The following ZC3H4 variants were observed in gnomAD, a reference collection of about 807,000 sequenced individuals.
The protein encoded by ZC3H4 is zinc finger CCCH domain-containing protein 4.
A neutral mutation model predicts 108.3 loss-of-function variants in ZC3H4; 13 were observed. That is an observed-to-expected ratio of 0.12 (90% CI 0.08 to 0.19). The LOEUF (loss-of-function observed/expected upper bound fraction) is 0.19. Among genes scored for constraint, ZC3H4 ranks in the 10% least tolerant of loss-of-function variants. The pLI is 1.00. For missense variants in ZC3H4, 1,734 were observed against 1,838.8 expected (o/e 0.94, Z 1.04); for synonymous variants, 917 against 749.6 (o/e 1.22, Z -3.65).
chr19:47,085,418 G>A lies in ZC3H4; in HGVS notation c.871-4C>T, dbSNP rs369754751. On this transcript the variant is annotated splice_region_variant and splice_polypyrimidine_tract_variant and intron_variant, in intron 6 of 14. Coordinates refer to ENST00000253048, the MANE Select transcript of ZC3H4 (RefSeq NM_015168.2). ...TTGGCTCCTCACTCTCTCCATACTG[G>A]AATGCGCAGAGGAGAGGGCAGGAGA... The A allele has an allele frequency of 6.3e-7, 1 of 1,579,652 alleles. No individual in the cohort carries two copies. Among genetic ancestry groups the A allele is most frequent in the African/African-American group, 1.4e-5 (1 of 73,720 alleles).
At position 47,065,883 on chromosome 19, in the gene ZC3H4, C is replaced by T. The variant is rs568008593; in HGVS notation, c.*473G>A. 6.5e-6 allele frequency: 1 copy of T among 154,318 alleles called. No homozygotes were observed. Among genetic ancestry groups the T allele is most frequent in the Non-Finnish European group, 1.4e-5 (1 of 69,638 alleles). The allele number at this position is 154,318 out of a possible 1,614,324, so 9.6% of individuals were successfully genotyped here. Reference sequence around the variant, plus strand: ...CCTAGGGTTCTAGAAACGCCTGGACCTGCTTCCACGCAGGCCCTGCCATGG... The same window carrying T: ...CCTAGGGTTCTAGAAACGCCTGGACTTGCTTCCACGCAGGCCCTGCCATGG... On this transcript the variant is annotated 3_prime_UTR_variant, in exon 15 of 15. Transcript: ENST00000253048.
Position 47,067,240 on chromosome 19 carries a change from G to A in ZC3H4, c.3028C>T (p.Pro1010Ser). The A allele has an allele frequency of 6.2e-7, 1 of 1,602,818 alleles. No individual in the cohort carries two copies. The highest frequency in any genetic ancestry group is 8.5e-7 in the Non-Finnish European group (1 of 1,174,734). The change falls in exon 15 of 15, where the codon CCC becomes TCC. Residue 1010 changes from proline to serine, a missense_variant. This residue lies in a region of ZC3H4 where 518 missense variants were observed against 499.6 expected (regional missense o/e 1.04). Transcript: ENST00000253048. This position sits in a 1 kb window ranked among gnomAD's most constrained non-coding sequence, Gnocchi z 6.4. ...GCCGTGGCAGCGCGGTGCAGCCGGG[G>A]GTCCAGGGTGGGCATGGATTGCAGG... ...AALQSMPTLDPRLHRAATAGP... is the reference protein window; with the variant it reads ...AALQSMPTLDSRLHRAATAGP...
chr19:47,108,648 C>T (rs1204071243), intron 2 of ZC3H4, among the ~76,000 whole-genome samples: 1 of 152,192 alleles, frequency 6.6e-6, no homozygotes, highest in East Asian at 1.9e-4. Context: ...GTTGAACAGC[C>T]AGGTCCACAG....
At chr19:47,089,930 G>A (rs375510147) in intron 5 of ZC3H4, 37 bp downstream of exon 5, 92 of 1,610,542 alleles carry the variant, frequency 5.7e-5, no homozygotes, top group Non-Finnish European at 6.6e-5. Context: ...GGGTGGCTCC[G>A]ATGCCCCAGA....
rs1312899856 is a variant in ZC3H4, at chr19:47,089,999, C to T, written c.683G>A (p.Arg228Gln). The T allele has an allele frequency of 5.0e-6, 8 of 1,614,208 alleles. No homozygotes were observed. The highest frequency in any genetic ancestry group is 4.0e-5 in the African/African-American group (3 of 75,052). The change falls in exon 5 of 15, where the codon CGG (arginine) becomes CAG (glutamine). Residue 228 changes from arginine to glutamine, a missense_variant. Physicochemically the swap from Arg to Gln is conservative, Grantham distance 43. Around this residue, in one of 9 missense-constraint regions of ZC3H4, gnomAD observed 403 missense variants for 457.0 expected, o/e 0.88. Coordinates refer to ENST00000253048, the MANE Select transcript of ZC3H4 (RefSeq NM_015168.2). Reference sequence around the variant, plus strand: ...GCGGCTGCTGCCCTCCTTGGCACGCCGGTACTGGTTCAGCTCTTTGGTGAA... The same window carrying T: ...GCGGCTGCTGCCCTCCTTGGCACGCTGGTACTGGTTCAGCTCTTTGGTGAA... ...DDFTKELNQY[R>Q]RAKEGSSRGR... is the part of the protein sequence containing the mutation.
chr19:47,086,349 C>G, intron 6 of ZC3H4, 35 bp downstream of exon 6: 1 of 1,611,356 alleles, frequency 6.2e-7, no homozygotes, highest in Non-Finnish European at 8.5e-7. Context: ...CCACCAGCCT[C>G]ACCCCGACGT....
intron 14 of ZC3H4, among the ~76,000 whole-genome samples, chr19:47,068,314 C>G (rs2057257533): frequency 6.6e-6 from 1 of 152,204 alleles, no homozygotes; most frequent in Admixed American, 6.5e-5. Flanking sequence ...CTGTGGGCAC[C>G]TCTTTCTGGA....
In ZC3H4 at chr19:47,094,612, C is replaced by A. The variant is rs199543090; in HGVS notation, c.162-4G>T. 2 of 1,613,910 alleles carry A rather than the reference C, an allele frequency of 1.2e-6. No individual in the cohort carries two copies. Among genetic ancestry groups the A allele is most frequent in the Admixed American group, 3.3e-5 (2 of 59,982 alleles). On this transcript the variant is annotated splice_polypyrimidine_tract_variant and splice_region_variant and intron_variant, in intron 2 of 14. Transcript: ENST00000253048. ...TTCTTCCAACTCTCCATCTTCCCTACAAACAAACCCCAATCCCACCATGAA... is the reference window on the plus strand; with the variant it reads ...TTCTTCCAACTCTCCATCTTCCCTAAAAACAAACCCCAATCCCACCATGAA...
In ZC3H4 at chr19:47,064,520, T is replaced by C; in HGVS notation, c.*1836A>G. On this transcript the variant is annotated 3_prime_UTR_variant, in exon 15 of 15. Coordinates refer to ENST00000253048, the MANE Select transcript of ZC3H4 (RefSeq NM_015168.2). ...AATATTCCAAGAGGAGGGCTCCAGCTTCTATTTCATCCACAGATTTCGGTT... is the reference window on the plus strand; with the variant it reads ...AATATTCCAAGAGGAGGGCTCCAGCCTCTATTTCATCCACAGATTTCGGTT... 1 of 152,444 alleles carries C rather than the reference T, an allele frequency of 6.6e-6. No individual in the cohort carries two copies. The highest frequency in any genetic ancestry group is 1.5e-5 in the Non-Finnish European group (1 of 68,024). 9.4% of individuals were successfully genotyped at this position (152,444 alleles called of 1,614,324 possible).
At chr19:47,112,336 G>A (rs1015790106) in intron 2 of ZC3H4, 88 bp downstream of exon 2, 6 of 1,196,956 alleles carry the variant, frequency 5.0e-6, no homozygotes, top group African/African-American at 1.6e-5. Context: ...CTCCTCCGCG[G>A]CCCGGCCCAA....
At chr19:47,070,921 T>C (rs1018023805) in intron 13 of ZC3H4, among the ~76,000 whole-genome samples, 4 of 152,184 alleles carry the variant, frequency 2.6e-5, no homozygotes, top group Admixed American at 2.6e-4. Flanking sequence ...TGCACTCCAG[T>C]GGCCGCCCTG....
At position 47,085,479 on chromosome 19, in the gene ZC3H4, T is replaced by C; in HGVS notation, c.871-65A>G. ...GGGAACAATGAACACTGTCCCCACC[T>C]ACACACTGCTCCTTTTTGAAGGATG... On this transcript the variant is annotated intron_variant, in intron 6 of 14. Transcript: ENST00000253048. 4 of 1,357,170 alleles carry C rather than the reference T, an allele frequency of 2.9e-6. No homozygotes were observed. In the South Asian group the frequency reaches 5.8e-5, roughly 20 times the overall value. 84.1% of individuals were successfully genotyped at this position (1,357,170 alleles called of 1,614,324 possible).
intron 11 of ZC3H4, among the ~76,000 whole-genome samples, chr19:47,078,922 G>C (rs2057470170): frequency 6.6e-6 from 1 of 151,974 alleles, no homozygotes. Context: ...AGCTACTGTG[G>C]AGGCTGAGGC....
At chr19:47,081,093 G>A (rs969148973) in intron 11 of ZC3H4, among the ~76,000 whole-genome samples, 2 of 151,758 alleles carry the variant, frequency 1.3e-5, no homozygotes, top group Non-Finnish European at 2.9e-5. Context: ...TAGAAACAAC[G>A]TCTTGCTACA....
intron 13 of ZC3H4, 40 bp from the exon 14 acceptor site, chr19:47,069,383 C>A: frequency 1.3e-6 from 2 of 1,590,862 alleles, no homozygotes; most frequent in East Asian, 2.3e-5. Context: ...TCGGGAAGGG[C>A]CTCCAGGTGC....
intron 2 of ZC3H4, among the ~76,000 whole-genome samples, chr19:47,109,320 A>G (rs535933467): frequency 3.7e-4 from 57 of 152,346 alleles, no homozygotes; most frequent in South Asian, 8.3e-4. Flanking sequence ...GCTTGGGGAA[A>G]TAGTTTCAAA....
chr19:47,084,232 G>T, intron 9 of ZC3H4, 113 bp downstream of exon 9: 1 of 972,698 alleles, frequency 1.0e-6, no homozygotes, highest in South Asian at 1.5e-5. Flanking sequence ...CAAGGACAAG[G>T]ACTACACAGT....
At position 47,112,482 on chromosome 19, in the gene ZC3H4, CG is replaced by C. The variant is rs1568573778; in HGVS notation, c.102del (p.Asp35ThrfsTer69). On this transcript the variant is annotated frameshift_variant, in exon 2 of 15. Transcript: ENST00000253048. LOFTEE classifies it high-confidence loss of function. ...PSTPSPPPCS[P>X]DARPATPHLL... ...AGGTGCGGGGTGGCCGGGCGGGCGT[CG>C]GGGGAACACGGAGGAGGCGAAGGCG... 2 of 1,165,972 alleles carry C rather than the reference CG, an allele frequency of 1.7e-6. No homozygotes were observed. 72.2% of individuals were successfully genotyped at this position (1,165,972 alleles called of 1,614,324 possible). A position where few individuals can be genotyped will look rare whatever the true frequency, so the allele number is the denominator to read the frequency against.
chr19:47,079,220 G>A (rs1466201220), intron 11 of ZC3H4, among the ~76,000 whole-genome samples: 1 of 151,284 alleles, frequency 6.6e-6, no homozygotes, highest in Non-Finnish European at 1.5e-5. Flanking sequence ...GTAGAGATGG[G>A]GTTTCTCCAT....
Sources: gnomAD v4.1 joint callset for allele counts (sites outside exome capture counted in the v4.1 genomes callset) on GRCh38, gnomAD v4.1.1 for gene constraint, gnomAD v4.1.1 regional missense constraint, Gnocchi (gnomAD v3.1) non-coding constraint, MANE v1.5 for transcripts, NCBI Gene and HGNC (gene_info 2026-07-23, HGNC 2026-07-21) for gene names.